DTWD2: variants seen among roughly 807,000 people sequenced by gnomAD.
The protein encoded by DTWD2 is tRNA-uridine aminocarboxypropyltransferase 2.
A neutral mutation model predicts 31.8 loss-of-function variants in DTWD2; 39 were observed. The ratio of observed to expected loss-of-function variants is 1.22; its 90% confidence interval spans 0.95 to 1.60. The LOEUF is 1.60. Among genes scored for constraint, DTWD2 ranks in the 40% most tolerant of loss-of-function variants. The probability of loss-of-function intolerance (pLI) is 0.00; values close to 1 mark genes in which losing one functional copy is unlikely to be tolerated. For synonymous variants in DTWD2, 180 were observed against 142.8 expected (o/e 1.26, Z -1.86); for missense variants, 515 against 381.5 (o/e 1.35, Z -2.92).
At chr5:118,872,801 G>C (rs141761273) in intron 4 of DTWD2, among the ~76,000 whole-genome samples, 12 of 152,348 alleles carry the variant, frequency 7.9e-5, no homozygotes, top group East Asian at 7.7e-4. Context: ...ACGAAGCAGA[G>C]TTGCTACAAA....
intron 1 of DTWD2, among the ~76,000 whole-genome samples, chr5:118,984,007 C>G (rs1417610140): frequency 6.6e-6 from 1 of 152,164 alleles, no homozygotes; most frequent in Non-Finnish European, 1.5e-5. Context: ...AAAACCTAGG[C>G]TGGGCGCAGT....
At chr5:118,860,898 G>A (rs984403996) in intron 4 of DTWD2, among the ~76,000 whole-genome samples, 2 of 151,964 alleles carry the variant, frequency 1.3e-5, no homozygotes, top group African/African-American at 4.8e-5. Context: ...TATATAAGTC[G>A]CAAATTTTTT....
chr5:118,956,275 C>T (rs1025563966), intron 1 of DTWD2, among the ~76,000 whole-genome samples: 2 of 152,156 alleles, frequency 1.3e-5, no homozygotes, highest in African/African-American at 4.8e-5. Context: ...CGGGGTTTAT[C>T]TTCTTTAAAA....
At chr5:118,907,120 G>T (rs969786186) in intron 4 of DTWD2, among the ~76,000 whole-genome samples, 4 of 152,082 alleles carry the variant, frequency 2.6e-5, no homozygotes, top group African/African-American at 9.7e-5. Flanking sequence ...ATGCTTAAAG[G>T]TACTCACATC....
chr5:118,891,656 C>A (rs1752979713), intron 4 of DTWD2, among the ~76,000 whole-genome samples: 1 of 152,180 alleles, frequency 6.6e-6, no homozygotes, highest in African/African-American at 2.4e-5. Context: ...TATATAAACA[C>A]AAAGTCATTT....
intron 3 of DTWD2, among the ~76,000 whole-genome samples, chr5:118,929,153 G>A (rs1753870145): frequency 6.6e-6 from 1 of 152,198 alleles, no homozygotes; most frequent in African/African-American, 2.4e-5. Flanking sequence ...AGCAATGGAA[G>A]AACCATAAAG....
At chr5:118,866,086 C>T (rs1752376011) in intron 4 of DTWD2, among the ~76,000 whole-genome samples, 1 of 151,778 alleles carries the variant, frequency 6.6e-6, no homozygotes, top group Non-Finnish European at 1.5e-5. Context: ...ACCAAAATGC[C>T]TTAACTTATT....
chr5:118,894,040 C>CAAA (rs201404024), intron 4 of DTWD2, among the ~76,000 whole-genome samples: 1 of 96,848 alleles, frequency 1.0e-5, no homozygotes. Flanking sequence ...GACTCTGTCT[C>CAAA]AAAAAAAAAA....
chr5:118,836,747 A>C lies in DTWD2; in HGVS notation c.*4170T>G, dbSNP rs899782809. Among the ~76,000 whole-genome samples the C allele has an allele frequency of 1.2e-4, 19 of 152,160 alleles. No individual in the cohort carries two copies. Among genetic ancestry groups the C allele is most frequent in the Non-Finnish European group, 2.2e-4 (15 of 68,018 alleles). The stretch of plus-strand genomic sequence containing the variant: ...CTCAGAGAGCTAGCTCGACCCTTCC[A>C]CTAGGTGAAGACACAGCTAGAATGC... On this transcript the variant is annotated 3_prime_UTR_variant, in exon 6 of 6. Coordinates refer to ENST00000510708, the MANE Select transcript of DTWD2 (RefSeq NM_173666.4).
At chr5:118,944,512 T>G in intron 2 of DTWD2, 47 bp downstream of exon 2, 1 of 1,559,088 alleles carries the variant, frequency 6.4e-7, no homozygotes, top group Non-Finnish European at 8.8e-7. Flanking sequence ...TGTTTCCTCT[T>G]GTGGACTCAT....
intron 1 of DTWD2, chr5:118,974,147 A>C: frequency 6.5e-7 from 1 of 1,548,734 alleles, no homozygotes; most frequent in Non-Finnish European, 8.7e-7. Context: ...GGAAAAGTTA[A>C]ACTAAAAAAA....
chr5:118,973,172 G>T (rs571593262), intron 1 of DTWD2, among the ~76,000 whole-genome samples: 1 of 149,040 alleles, frequency 6.7e-6, no homozygotes, highest in Non-Finnish European at 1.5e-5. Flanking sequence ...TGGGTCTTCT[G>T]AATACAACAC....
At chr5:118,858,511 A>T (rs1752189085) in intron 4 of DTWD2, among the ~76,000 whole-genome samples, 1 of 152,196 alleles carries the variant, frequency 6.6e-6, no homozygotes, top group South Asian at 2.1e-4. Flanking sequence ...ACTCTTAAAA[A>T]CTTTGTATTA....
intron 4 of DTWD2, among the ~76,000 whole-genome samples, chr5:118,863,046 T>C (rs931153127): frequency 1.4e-5 from 2 of 147,692 alleles, no homozygotes; most frequent in Non-Finnish European, 3.0e-5. Flanking sequence ...TACCTACCTC[T>C]GGACTTTTTA....
chr5:118,872,143 C>G (rs1445158805), intron 4 of DTWD2, among the ~76,000 whole-genome samples: 1 of 152,160 alleles, frequency 6.6e-6, no homozygotes, highest in African/African-American at 2.4e-5. Context: ...AGAGTTAGAG[C>G]CTTGCTGTAG....
At chr5:118,876,246 A>G (rs1358297725) in intron 4 of DTWD2, among the ~76,000 whole-genome samples, 1 of 152,162 alleles carries the variant, frequency 6.6e-6, no homozygotes, top group Non-Finnish European at 1.5e-5. Context: ...GCCCACATCA[A>G]AAAGTTACAA....
intron 4 of DTWD2, among the ~76,000 whole-genome samples, chr5:118,897,015 T>C (rs1736406880): frequency 6.6e-6 from 1 of 152,230 alleles, no homozygotes; most frequent in African/African-American, 2.4e-5. Context: ...AATTAAATGG[T>C]TGTTGCTTTA....
intron 4 of DTWD2, among the ~76,000 whole-genome samples, chr5:118,894,346 T>A (rs1473663917): frequency 6.6e-6 from 1 of 152,166 alleles, no homozygotes; most frequent in Non-Finnish European, 1.5e-5. Flanking sequence ...AAAAACTGAT[T>A]CTAAAATTTA....
chr5:118,918,503 T>C (rs1753631162), intron 4 of DTWD2, among the ~76,000 whole-genome samples: 1 of 151,810 alleles, frequency 6.6e-6, no homozygotes. Context: ...GGCTTTATTA[T>C]GCAGTTCACA....
Sources: gnomAD v4.1 joint callset for allele counts (sites outside exome capture counted in the v4.1 genomes callset) on GRCh38, gnomAD v4.1.1 for gene constraint, MANE v1.5 for transcripts, NCBI Gene and HGNC (gene_info 2026-07-23, HGNC 2026-07-21) for gene names.